The following PLCL1 variants were observed in gnomAD, a reference collection of about 807,000 sequenced individuals.
PLCL1 encodes the protein phospholipase C like 1 (inactive), also known as inactive phospholipase C-like protein 1.
Under a neutral mutation model 84.4 loss-of-function variants are expected in PLCL1, and 41 were observed. The ratio of observed to expected loss-of-function variants is 0.49; its 90% CI spans 0.38 to 0.63. The LOEUF is 0.63. Ranked by LOEUF, PLCL1 falls within the 30% of genes least tolerant of loss-of-function variation. PLCL1 has a pLI of 0.00. For synonymous variants in PLCL1, 490 were observed against 488.3 expected, an observed-to-expected ratio of 1.00 and a Z score of -0.05; for missense variants, 1,206 against 1,367.8, an observed-to-expected ratio of 0.88 and a Z score of 1.87.
intron 1 of PLCL1, among the ~76,000 whole-genome samples, chr2:197,819,272 C>G (rs555810614): frequency 6.6e-6 from 1 of 152,156 alleles, no homozygotes; most frequent in East Asian, 1.9e-4. Flanking sequence ...CAGCCCTAGC[C>G]ACTAAATCCA....
chr2:197,880,705 G>T (rs888402683), intron 1 of PLCL1, among the ~76,000 whole-genome samples: 4 of 152,196 alleles, frequency 2.6e-5, no homozygotes, highest in South Asian at 2.1e-4. Context: ...ATAGTTTTTT[G>T]TTTTTTAAAG....
At chr2:198,049,080 C>T (rs771221804) in intron 1 of PLCL1, among the ~76,000 whole-genome samples, 15 of 152,240 alleles carry the variant, frequency 9.9e-5, no homozygotes, top group African/African-American at 1.4e-4. Context: ...TCTGTGATTC[C>T]GTTACATTAT....
chr2:198,096,271 C>T (rs2105908414), intron 3 of PLCL1, among the ~76,000 whole-genome samples: 1 of 152,310 alleles, frequency 6.6e-6, no homozygotes, highest in South Asian at 2.1e-4. Flanking sequence ...CTATGATAGA[C>T]TTTTCACAGT....
At chr2:197,937,005 C>G (rs1269601783) in intron 1 of PLCL1, among the ~76,000 whole-genome samples, 1 of 152,088 alleles carries the variant, frequency 6.6e-6, no homozygotes, top group East Asian at 1.9e-4. Flanking sequence ...CATATGGATA[C>G]CCAGTTTTCC....
intron 5 of PLCL1, 114 bp from the exon 6 acceptor site, chr2:198,146,666 G>A (rs1249525521): frequency 1.3e-6 from 1 of 791,366 alleles, no homozygotes; most frequent in East Asian, 2.7e-5. Flanking sequence ...GAGCTTGCAG[G>A]TCTGGGTCTG....
chr2:198,029,159 C>T (rs867118205), intron 1 of PLCL1, among the ~76,000 whole-genome samples: 3 of 152,174 alleles, frequency 2.0e-5, no homozygotes, highest in Admixed American at 6.5e-5. Flanking sequence ...TTCCTAAAGA[C>T]TTTCTATCTT....
intron 1 of PLCL1, among the ~76,000 whole-genome samples, chr2:197,815,869 T>C (rs1006169153): frequency 6.6e-6 from 1 of 152,134 alleles, no homozygotes; most frequent in Non-Finnish European, 1.5e-5. Flanking sequence ...AAAAATTGAA[T>C]GGATGAGGAG....
chr2:198,087,402 T>G (rs1408651386), intron 2 of PLCL1, among the ~76,000 whole-genome samples: 1 of 152,188 alleles, frequency 6.6e-6, no homozygotes, highest in Non-Finnish European at 1.5e-5. Context: ...GTTATTGAGA[T>G]GCAAACAATA....
At chr2:198,030,831 A>C (rs1306117816) in intron 1 of PLCL1, among the ~76,000 whole-genome samples, 1 of 152,150 alleles carries the variant, frequency 6.6e-6, no homozygotes, top group Non-Finnish European at 1.5e-5. Context: ...GATTTGACCC[A>C]GGAGGAATGG....
At chr2:198,102,244 G>A (rs1029082740) in intron 4 of PLCL1, among the ~76,000 whole-genome samples, 2 of 152,040 alleles carry the variant, frequency 1.3e-5, no homozygotes, top group African/African-American at 4.8e-5. Flanking sequence ...GCCAGGCACT[G>A]CTCTGAGATC....
chr2:198,038,844 C>CAA lies in PLCL1; in HGVS notation c.241-44899_241-44898dup, dbSNP rs11299150. 9.0e-3 allele frequency among the ~76,000 whole-genome samples: 1,087 copies of CAA among 120,234 alleles called. 9 individuals carry two copies. Among genetic ancestry groups the CAA allele is most frequent in the African/African-American group, 0.022 (719 of 32,144 alleles). 78.9% of individuals were successfully genotyped at this position (120,234 alleles called of 152,430 possible). A position where few individuals can be genotyped will look rare whatever the true frequency, so the allele number is the denominator to read the frequency against. ...CTGTCTTGATCCTTTCATTAAAGGTCAAAAAAAAAAAAAAAAGAAAAAAAG... is the reference window on the plus strand; with the variant it reads ...CTGTCTTGATCCTTTCATTAAAGGTCAAAAAAAAAAAAAAAAAAGAAAAAAAG... On this transcript the variant is annotated intron_variant, in intron 1 of 5. Coordinates refer to ENST00000428675, the MANE Select transcript of PLCL1 (RefSeq NM_006226.4).
At chr2:198,019,350 G>A (rs538908325) in intron 1 of PLCL1, among the ~76,000 whole-genome samples, 1 of 152,282 alleles carries the variant, frequency 6.6e-6, no homozygotes, top group South Asian at 2.1e-4. Flanking sequence ...ACAACTCCTT[G>A]CCAGGAATGG....
At chr2:197,975,127 G>A (rs1049551977) in intron 1 of PLCL1, among the ~76,000 whole-genome samples, 9 of 115,142 alleles carry the variant, frequency 7.8e-5, no homozygotes, top group Admixed American at 2.6e-4. Flanking sequence ...CGGCCTGGGC[G>A]ACAGAGCGAG....
intron 1 of PLCL1, among the ~76,000 whole-genome samples, chr2:197,931,835 A>C (rs1037933284): frequency 1.3e-5 from 2 of 152,154 alleles, no homozygotes; most frequent in African/African-American, 4.8e-5. Flanking sequence ...ATTACTACAC[A>C]GGTCAGTTGA....
At chr2:198,055,365 AAGAGAG>A (rs3068250) in intron 1 of PLCL1, among the ~76,000 whole-genome samples, 3,983 of 128,834 alleles carry the variant, frequency 0.031, 159 homozygotes, top group African/African-American at 0.11. Flanking sequence ...GAGAGAGAGA[AAGAGAG>A]AGAGAGAGAG....
At chr2:197,939,169 T>C (rs534151504) in intron 1 of PLCL1, among the ~76,000 whole-genome samples, 3 of 152,258 alleles carry the variant, frequency 2.0e-5, no homozygotes, top group Middle Eastern at 3.4e-3. Flanking sequence ...TTACATCCAT[T>C]TAATAGTTTT....
chr2:198,060,233 C>A (rs985779164), intron 1 of PLCL1, among the ~76,000 whole-genome samples: 1 of 152,302 alleles, frequency 6.6e-6, no homozygotes, highest in East Asian at 1.9e-4. Context: ...GCCATCTTCA[C>A]CGCTGAAAAG....
rs115323286 is a variant in PLCL1, at chr2:198,081,322, A to G, written c.241-2436A>G. Among the ~76,000 whole-genome samples the G allele has an allele frequency of 3.1e-3, 465 of 152,324 alleles. 2 individuals carry two copies. Among genetic ancestry groups the G allele is most frequent in the African/African-American group, 0.01 (435 of 41,580 alleles). On this transcript the variant is annotated intron_variant, in intron 1 of 5. Transcript: ENST00000428675. ...TGGTTAGCTTTAAAAGCTGAGTCAC[A>G]GTCTCATTTACCATCAGAATTCACA...
chr2:197,850,054 A>G (rs973008603), intron 1 of PLCL1, among the ~76,000 whole-genome samples: 4 of 151,358 alleles, frequency 2.6e-5, no homozygotes, highest in African/African-American at 7.3e-5. Flanking sequence ...ACACACACAC[A>G]CACACACACA....
Sources: allele counts gnomAD v4.1 joint callset (sites outside exome capture counted in the v4.1 genomes callset), GRCh38; gene constraint gnomAD v4.1.1; transcripts MANE v1.5; gene names NCBI Gene and HGNC (gene_info 2026-07-23, HGNC 2026-07-21).